The following NUBP1 variants were observed in gnomAD, a reference collection of about 807,000 sequenced individuals.
The protein encoded by NUBP1 is NUBP iron-sulfur cluster assembly factor 1, cytosolic.
In NUBP1, 46 loss-of-function variants were observed where a neutral mutation model predicts 41.8. The observed-to-expected ratio is 1.10, with a 90% CI of 0.87 to 1.41. NUBP1 has a LOEUF of 1.41. Among genes scored for constraint, NUBP1 ranks in the 40% most tolerant of loss-of-function variants. The pLI is 0.00. For missense variants in NUBP1, 494 were observed against 414.0 expected (o/e 1.19, Z -1.68); for synonymous variants, 189 against 154.6 (o/e 1.22, Z -1.65).
Position 10,743,989 on chromosome 16 carries a change from G to T in NUBP1, c.48G>T (p.Ala16=). The change falls in exon 2 of 11, where the codon GCG becomes GCT. Residue 16 remains alanine, a synonymous_variant. Coordinates refer to ENST00000283027, the MANE Select transcript of NUBP1 (RefSeq NM_002484.4). ...HDCPGADSAQ[A]GRGASCQGCP... is the part of the protein sequence containing the mutation. ...GTCCAGGGGCCGACAGCGCCCAGGC[G>T]GGCAGAGGGGCTTCATGTCAGGGAT... 6.3e-7 allele frequency: 1 copy of T among 1,581,114 alleles called. No individual in the cohort carries two copies. The highest frequency in any genetic ancestry group is 8.6e-7 in the Non-Finnish European group (1 of 1,169,498).
intron 9 of NUBP1, among the ~76,000 whole-genome samples, chr16:10,762,867 CA>C (rs1170330719): frequency 2.0e-5 from 3 of 152,002 alleles, no homozygotes; most frequent in Non-Finnish European, 2.9e-5. Context: ...GGGCGGAGGC[CA>C]CGTGGGGAGC....
chr16:10,764,616 T>A (rs1245266749), intron 9 of NUBP1, among the ~76,000 whole-genome samples: 2 of 151,516 alleles, frequency 1.3e-5, no homozygotes, highest in African/African-American at 4.9e-5. Context: ...TGCTGGAGTA[T>A]GTCAGTCTAT....
At position 10,743,975 on chromosome 16, in the gene NUBP1, G is replaced by A. The variant is rs1478612157; in HGVS notation, c.34G>A (p.Asp12Asn). 5 of 1,582,576 alleles carry A rather than the reference G, an allele frequency of 3.2e-6. No individual in the cohort carries two copies. In the Admixed American group the frequency reaches 7.8e-5, roughly 25 times the overall value. The change falls in exon 2 of 11, where the codon GAC becomes AAC. Residue 12 changes from aspartate (D) to asparagine (N), a missense_variant. Coordinates refer to ENST00000283027, the MANE Select transcript of NUBP1 (RefSeq NM_002484.4). ...TCTCTGCGCAGACTGTCCAGGGGCC[G>A]ACAGCGCCCAGGCGGGCAGAGGGGC... ...EEVPHDCPGA[D>N]SAQAGRGASC...
intron 4 of NUBP1, among the ~76,000 whole-genome samples, chr16:10,754,079 G>A (rs1013529693): frequency 2.0e-5 from 3 of 152,110 alleles, no homozygotes; most frequent in African/African-American, 4.8e-5. Flanking sequence ...TCATGAAACA[G>A]AAAATTTTAA....
intron 3 of NUBP1, among the ~76,000 whole-genome samples, chr16:10,747,853 C>A (rs1596449923): frequency 2.0e-5 from 3 of 152,230 alleles, no homozygotes; most frequent in African/African-American, 7.2e-5. Context: ...TTTAGCTTTT[C>A]TCTAAGCCAG....
At position 10,754,248 on chromosome 16, in the gene NUBP1, A is replaced by ATTTTATTTTATTTTAT. The variant is rs373945552; in HGVS notation, c.328-1470_328-1469insTATTTTATTTTATTTT. Among the ~76,000 whole-genome samples the ATTTTATTTTATTTTAT allele has an allele frequency of 5.1e-3, 711 of 139,632 alleles. 4 individuals are homozygous for ATTTTATTTTATTTTAT. The highest frequency in any genetic ancestry group is 0.02 in the African/African-American group (683 of 34,142). The allele number at this position is 139,632 out of a possible 152,430, so 91.6% of individuals were successfully genotyped here. A position where few individuals can be genotyped will look rare whatever the true frequency, so the allele number is the denominator to read the frequency against. ...ATTTTATTTTATTTTATTTTATTTT[A>ATTTTATTTTATTTTAT]TTTATTTTATTGAGACAGAGTTTCA... On this transcript the variant is annotated intron_variant, in intron 4 of 10. Coordinates refer to ENST00000283027, the MANE Select transcript of NUBP1 (RefSeq NM_002484.4).
rs533208449 is a variant in NUBP1, at chr16:10,765,327, T to TAAAAAAAAA, written c.821-2608_821-2600dup. ...TAACACAGGAAGATACCTCATCTCTTAAAAAAAAAAAAAAAAAAAAAAGGA... is the reference window on the plus strand; with the variant it reads ...TAACACAGGAAGATACCTCATCTCTTAAAAAAAAAAAAAAAAAAAAAAAAAAAAAAAGGA... On this transcript the variant is annotated intron_variant, in intron 9 of 10. Transcript: ENST00000283027. This position sits in a 1 kb window ranked among gnomAD's most constrained non-coding sequence, Gnocchi z 4.0. Among the ~76,000 whole-genome samples the TAAAAAAAAA allele has an allele frequency of 9.0e-6, 1 of 111,270 alleles. No individual in the cohort carries two copies. Among genetic ancestry groups the TAAAAAAAAA allele is most frequent in the Non-Finnish European group, 1.8e-5 (1 of 56,644 alleles). 73.0% of individuals were successfully genotyped at this position (111,270 alleles called of 152,430 possible).
intron 9 of NUBP1, among the ~76,000 whole-genome samples, chr16:10,763,116 T>G (rs538081717): frequency 1.2e-4 from 19 of 152,050 alleles, no homozygotes; most frequent in African/African-American, 4.3e-4. Flanking sequence ...GGTCCGTCCC[T>G]CAGAGACAGT....
rs1252435084 is a variant in NUBP1, at chr16:10,761,331, A to G, written c.607-33A>G. 1.1e-5 allele frequency: 17 copies of G among 1,598,026 alleles called. No individual in the cohort carries two copies. In the Admixed American group the frequency reaches 1.8e-4, roughly 17 times the overall value. ...CAGACATTCCCTTTCTCGCACTTTG[A>G]TGCTGGAATCACTGGTCTTTTCACC... On this transcript the variant is annotated intron_variant, in intron 7 of 10. Transcript: ENST00000283027.
intron 7 of NUBP1, 37 bp downstream of exon 7, chr16:10,758,064 T>G (rs1394708118): frequency 6.3e-7 from 1 of 1,597,478 alleles, no homozygotes; most frequent in Admixed American, 1.7e-5. Flanking sequence ...GTCCAAACTG[T>G]GCTCCACACT....
At chr16:10,756,395 AAAAAT>A (rs1003255710) in intron 5 of NUBP1, among the ~76,000 whole-genome samples, 6 of 138,444 alleles carry the variant, frequency 4.3e-5, no homozygotes, top group Non-Finnish European at 4.7e-5. Flanking sequence ...TGAAAAATAA[AAAAAT>A]AAAAGAGTTA....
chr16:10,747,045 T>C lies in NUBP1; in HGVS notation c.125-98T>C, dbSNP rs531739025. On this transcript the variant is annotated intron_variant, in intron 2 of 10. Coordinates refer to ENST00000283027, the MANE Select transcript of NUBP1 (RefSeq NM_002484.4). Reference sequence around the variant, plus strand: ...TCGTTTTAAACAGCCCCAGGACTAGTACTAGGACTAGGACTTAGCTCTTTC... The same window carrying C: ...TCGTTTTAAACAGCCCCAGGACTAGCACTAGGACTAGGACTTAGCTCTTTC... 5 of 1,443,948 alleles carry C rather than the reference T, an allele frequency of 3.5e-6. No homozygotes were observed. The African/African-American group carries it at 5.6e-5, about 16-fold the overall frequency. 89.4% of individuals were successfully genotyped at this position (1,443,948 alleles called of 1,614,324 possible). A position where few individuals can be genotyped will look rare whatever the true frequency, so the allele number is the denominator to read the frequency against.
intron 7 of NUBP1, 91 bp downstream of exon 7, chr16:10,758,118 A>G: frequency 6.9e-7 from 1 of 1,448,312 alleles, no homozygotes; most frequent in Non-Finnish European, 9.4e-7. Context: ...TGGTCTCACC[A>G]AGGCTCTTCC....
In NUBP1 at chr16:10,767,694, G is replaced by A; in HGVS notation, c.821-255G>A. 1.9e-6 allele frequency: 1 copy of A among 532,574 alleles called. No individual in the cohort carries two copies. Among genetic ancestry groups the A allele is most frequent in the Admixed American group, 3.4e-5 (1 of 29,770 alleles). The allele number at this position is 532,574 out of a possible 1,614,324, so 33.0% of individuals were successfully genotyped here. A position where few individuals can be genotyped will look rare whatever the true frequency, so the allele number is the denominator to read the frequency against. The stretch of plus-strand genomic sequence containing the variant: ...GGCCCATGTGGAAGCTGCTGAATCA[G>A]TTCTCTGTAGGGCCCTGGAACCTGC... On this transcript the variant is annotated intron_variant, in intron 9 of 10. Transcript: ENST00000283027. The surrounding 1 kb of genome is among the most constrained non-coding windows in gnomAD (Gnocchi z 4.6).
chr16:10,762,105 T>C, intron 9 of NUBP1: 1 of 392,226 alleles, frequency 2.5e-6, no homozygotes, highest in Non-Finnish European at 4.7e-6. Flanking sequence ...AAGAATGGGG[T>C]AGAGGTTGGT....
intron 4 of NUBP1, among the ~76,000 whole-genome samples, chr16:10,753,870 G>C (rs1900434285): frequency 6.6e-6 from 1 of 152,126 alleles, no homozygotes; most frequent in African/African-American, 2.4e-5. Context: ...GTCCTCAGTG[G>C]AGTGACCAGA....
In NUBP1 at chr16:10,769,217, G is replaced by C; in HGVS notation, c.*112G>C. 1.1e-6 allele frequency: 1 copy of C among 886,222 alleles called. No individual in the cohort carries two copies. The allele number at this position is 886,222 out of a possible 1,614,324, so 54.9% of individuals were successfully genotyped here. On this transcript the variant is annotated 3_prime_UTR_variant, in exon 11 of 11. Transcript: ENST00000283027. ...GGGGTGGGTCACAGCAAAAGGACCAGATGCTGGTGTGGTCCGAAGCCACTT... is the reference window on the plus strand; with the variant it reads ...GGGGTGGGTCACAGCAAAAGGACCACATGCTGGTGTGGTCCGAAGCCACTT...
intron 2 of NUBP1, among the ~76,000 whole-genome samples, 168 bp downstream of exon 2, chr16:10,744,233 C>G (rs542042268): frequency 1.3e-5 from 2 of 152,084 alleles, no homozygotes; most frequent in South Asian, 4.2e-4. Context: ...GGAAAGTGGG[C>G]AGGGTGAGGG....
Position 10,766,870 on chromosome 16 carries a change from G to A in NUBP1, c.821-1079G>A. The A allele has an allele frequency of 5.0e-6, 2 of 398,488 alleles. No homozygotes were observed. The highest frequency in any genetic ancestry group is 4.4e-6 in the Non-Finnish European group (1 of 226,076). 24.7% of individuals were successfully genotyped at this position (398,488 alleles called of 1,614,324 possible). A position where few individuals can be genotyped will look rare whatever the true frequency, so the allele number is the denominator to read the frequency against. ...AAGTCATTTACGGCATACGTCCTAT[G>A]GAGAGGACATTTCCTGTTATGGCTC... On this transcript the variant is annotated intron_variant, in intron 9 of 10. Transcript: ENST00000283027. This position sits in a 1 kb window ranked among gnomAD's most constrained non-coding sequence, Gnocchi z 4.8.
Sources: allele counts gnomAD v4.1 joint callset (sites outside exome capture counted in the v4.1 genomes callset), GRCh38; gene constraint gnomAD v4.1.1; non-coding constraint Gnocchi (gnomAD v3.1); transcripts MANE v1.5; gene names NCBI Gene and HGNC (gene_info 2026-07-23, HGNC 2026-07-21).